The following DCAF10 variants were observed in gnomAD, a reference collection of about 807,000 sequenced individuals.
DCAF10 encodes the protein DDB1 and CUL4 associated factor 10, also known as DDB1- and CUL4-associated factor 10.
Under a neutral mutation model 51.9 loss-of-function variants are expected in DCAF10, and 19 were observed. The ratio of observed to expected loss-of-function variants is 0.37; its 90% CI spans 0.26 to 0.54. DCAF10 has a LOEUF of 0.54. DCAF10 is among the 20% of genes least tolerant of loss of function. DCAF10 has a pLI of 0.87. For missense variants in DCAF10, 510 were observed against 730.6 expected, an observed-to-expected ratio of 0.70 and a Z score of 3.48; for synonymous variants, 291 against 297.1, an observed-to-expected ratio of 0.98 and a Z score of 0.21.
At chr9:37,823,812 T>C (rs1329047620) in intron 2 of DCAF10, among the ~76,000 whole-genome samples, 1 of 152,008 alleles carries the variant, frequency 6.6e-6, no homozygotes, top group Non-Finnish European at 1.5e-5. Context: ...TATTGAGATA[T>C]TTTACTTTCA....
intron 2 of DCAF10, among the ~76,000 whole-genome samples, chr9:37,835,083 G>A (rs1295963772): frequency 8.5e-5 from 13 of 152,298 alleles, no homozygotes; most frequent in Admixed American, 7.8e-4. Flanking sequence ...ACTGTGCTCA[G>A]TCTCAGTCAC....
chr9:37,837,496 C>G (rs1248650281), intron 2 of DCAF10, among the ~76,000 whole-genome samples: 2 of 150,732 alleles, frequency 1.3e-5, no homozygotes, highest in Non-Finnish European at 3.0e-5. Flanking sequence ...TTGTGCAAAG[C>G]ATAGGTAAAT....
intron 1 of DCAF10, among the ~76,000 whole-genome samples, chr9:37,813,183 C>T (rs1453040779): frequency 6.6e-6 from 1 of 152,192 alleles, no homozygotes; most frequent in African/African-American, 2.4e-5. Flanking sequence ...TCACGGCAAC[C>T]TCCAACTCCT....
intron 2 of DCAF10, among the ~76,000 whole-genome samples, chr9:37,824,993 G>C (rs1337802920): frequency 1.3e-5 from 2 of 152,110 alleles, no homozygotes; most frequent in African/African-American, 2.4e-5. Flanking sequence ...TTTAATACAG[G>C]TGTGTCCAAA....
In DCAF10 at chr9:37,861,640, CA is replaced by C; in HGVS notation, c.*133del. On this transcript the variant is annotated 3_prime_UTR_variant, in exon 7 of 7. Coordinates refer to ENST00000377724, the MANE Select transcript of DCAF10 (RefSeq NM_024345.5). The surrounding 1 kb of genome is among the most constrained non-coding windows in gnomAD (Gnocchi z 4.9). ...ATCCTGGTTCTTATGGGTCCATGAA[CA>C]CACTTGTGACCTTAGTACTTGGTCA... 1.5e-6 allele frequency: 2 copies of C among 1,311,152 alleles called. No individual in the cohort carries two copies. Among genetic ancestry groups the C allele is most frequent in the Admixed American group, 5.1e-5 (2 of 39,132 alleles). 81.2% of individuals were successfully genotyped at this position (1,311,152 alleles called of 1,614,324 possible).
In DCAF10 at chr9:37,861,917, A is replaced by AG. The variant is rs1181675394; in HGVS notation, c.*410dup. On this transcript the variant is annotated 3_prime_UTR_variant, in exon 7 of 7. Coordinates refer to ENST00000377724, the MANE Select transcript of DCAF10 (RefSeq NM_024345.5). The surrounding 1 kb of genome is among the most constrained non-coding windows in gnomAD (Gnocchi z 4.9). Reference sequence around the variant, plus strand: ...TGGCAGGAGTTTTGACTGGGGTAGGAGAAACCCATGACATTAGAATTGAAT... The same window carrying AG: ...TGGCAGGAGTTTTGACTGGGGTAGGAGGAAACCCATGACATTAGAATTGAAT... 1 of 172,708 alleles carries AG rather than the reference A, an allele frequency of 5.8e-6. No individual in the cohort carries two copies. Among genetic ancestry groups the AG allele is most frequent in the Non-Finnish European group, 1.3e-5 (1 of 78,684 alleles). The allele number at this position is 172,708 out of a possible 1,614,324, so 10.7% of individuals were successfully genotyped here.
chr9:37,818,584 CA>C (rs1207500648), intron 1 of DCAF10, among the ~76,000 whole-genome samples: 2 of 152,052 alleles, frequency 1.3e-5, no homozygotes, highest in African/African-American at 4.8e-5. Context: ...AGGCCTGAAA[CA>C]AGAGACAAAC....
rs569185631 is a variant in DCAF10, at chr9:37,861,662, G to T, written c.*154G>T. 1.1e-3 allele frequency: 1,160 copies of T among 1,084,276 alleles called. 2 individuals are homozygous for T. Among genetic ancestry groups the T allele is most frequent in the Admixed American group, 1.6e-3 (58 of 35,532 alleles). 67.2% of individuals were successfully genotyped at this position (1,084,276 alleles called of 1,614,324 possible). ...GAACACACTTGTGACCTTAGTACTT[G>T]GTCATCCAGCATCATACAGGCATCT... On this transcript the variant is annotated 3_prime_UTR_variant, in exon 7 of 7. Transcript: ENST00000377724. The surrounding 1 kb of genome is among the most constrained non-coding windows in gnomAD (Gnocchi z 4.9).
At chr9:37,837,845 CAA>C (rs111802269) in intron 2 of DCAF10, among the ~76,000 whole-genome samples, 23 of 133,534 alleles carry the variant, frequency 1.7e-4, no homozygotes, top group East Asian at 2.2e-4. Flanking sequence ...GCTTGTGTGT[CAA>C]AAAAAAAAAA....
At chr9:37,820,241 G>T (rs909553541) in intron 2 of DCAF10, among the ~76,000 whole-genome samples, 4 of 152,104 alleles carry the variant, frequency 2.6e-5, no homozygotes, top group African/African-American at 9.7e-5. Flanking sequence ...AGTACAAAAA[G>T]TATAGCCAGG....
At chr9:37,803,423 T>C (rs185516511) in intron 1 of DCAF10, among the ~76,000 whole-genome samples, 11 of 152,250 alleles carry the variant, frequency 7.2e-5, no homozygotes, top group African/African-American at 2.6e-4. Context: ...TTTATATTTA[T>C]ATCTTTAGGA....
chr9:37,849,478 T>C (rs904388915), intron 3 of DCAF10, among the ~76,000 whole-genome samples: 4 of 152,204 alleles, frequency 2.6e-5, no homozygotes, highest in Non-Finnish European at 4.4e-5. Context: ...TCAGGCACCG[T>C]GGCTCATGCC....
At position 37,805,007 on chromosome 9, in the gene DCAF10, A is replaced by G. The variant is rs79060187; in HGVS notation, c.539+3602A>G. Among the ~76,000 whole-genome samples, 806 of 152,328 alleles carry G rather than the reference A, an allele frequency of 5.3e-3. 5 individuals carry two copies. Among genetic ancestry groups the G allele is most frequent in the African/African-American group, 0.018 (767 of 41,564 alleles). ...AGGAAAGCTGAGTAAGTTTGCCAGC[A>G]GACCTCCAATAAAGGAATTCTAAGT... On this transcript the variant is annotated intron_variant, in intron 1 of 6. Transcript: ENST00000377724.
At chr9:37,803,601 T>C (rs1829022647) in intron 1 of DCAF10, among the ~76,000 whole-genome samples, 1 of 150,928 alleles carries the variant, frequency 6.6e-6, no homozygotes, top group Admixed American at 6.6e-5. Flanking sequence ...TTCTTTTTCA[T>C]GTTTATCAGG....
In DCAF10 at chr9:37,800,982, A is replaced by G; in HGVS notation, c.116A>G (p.His39Arg). 6.6e-7 allele frequency: 1 copy of G among 1,524,472 alleles called. No individual in the cohort carries two copies. Among genetic ancestry groups the G allele is most frequent in the Non-Finnish European group, 8.7e-7 (1 of 1,145,034 alleles). 94.4% of individuals were successfully genotyped at this position (1,524,472 alleles called of 1,614,324 possible). A position where few individuals can be genotyped will look rare whatever the true frequency, so the allele number is the denominator to read the frequency against. ...AAATGPPSPL[H>R]PGADATHPPP... ...GCCACCGGGCCGCCCTCGCCACTAC[A>G]TCCCGGGGCTGATGCGACCCATCCC... Residue 39 changes from histidine (H) to arginine (R), a missense_variant, in exon 1 of 7, where the codon CAT (histidine) becomes CGT (arginine). By Grantham distance (29) the His-to-Arg change is conservative (BLOSUM62 0). This residue lies in a region of DCAF10 where 251 missense variants were observed against 227.9 expected (regional missense o/e 1.10). Transcript: ENST00000377724.
rs183437235 is a variant in DCAF10, at chr9:37,835,533, G to A, written c.654-6556G>A. Among the ~76,000 whole-genome samples, 1,103 of 151,978 alleles carry A rather than the reference G, an allele frequency of 7.3e-3. 11 individuals carry two copies. The highest frequency in any genetic ancestry group is 0.025 in the African/African-American group (1,049 of 41,436). On this transcript the variant is annotated intron_variant, in intron 2 of 6. Coordinates refer to ENST00000377724, the MANE Select transcript of DCAF10 (RefSeq NM_024345.5). Reference sequence around the variant, plus strand: ...GGTGGAGTTGCAGTGAGCCGAGATCGCGCCACTGCACTCCAGCCTGGGAGA... The same window carrying A: ...GGTGGAGTTGCAGTGAGCCGAGATCACGCCACTGCACTCCAGCCTGGGAGA...
chr9:37,806,787 A>G (rs918243215), intron 1 of DCAF10, among the ~76,000 whole-genome samples: 13 of 152,148 alleles, frequency 8.5e-5, no homozygotes, highest in African/African-American at 2.7e-4. Context: ...CCAACACCCA[A>G]TGAATACCTG....
At chr9:37,854,292 T>C (rs1360478999) in intron 3 of DCAF10, among the ~76,000 whole-genome samples, 1 of 152,092 alleles carries the variant, frequency 6.6e-6, no homozygotes, top group Admixed American at 6.6e-5. Context: ...TAAATTTTTG[T>C]AGAGATGGGG....
rs1828951101 is a variant in DCAF10 at position 37,801,632 on chromosome 9, A to G, written c.539+227A>G. Among the ~76,000 whole-genome samples the G allele has an allele frequency of 6.6e-6, 1 of 152,162 alleles. No homozygotes were observed. Among genetic ancestry groups the G allele is most frequent in the Non-Finnish European group, 1.5e-5 (1 of 68,016 alleles). On this transcript the variant is annotated intron_variant, in intron 1 of 6. Coordinates refer to ENST00000377724, the MANE Select transcript of DCAF10 (RefSeq NM_024345.5). This position sits in a 1 kb window ranked among gnomAD's most constrained non-coding sequence, Gnocchi z 5.5. ...GGGGCCCCACTTGCTCGCCTTCAGG[A>G]CTTGGGCTCTGTGAAGGAGAAATGC...
Sources: gnomAD v4.1 joint callset for allele counts (sites outside exome capture counted in the v4.1 genomes callset) on GRCh38, gnomAD v4.1.1 for gene constraint, gnomAD v4.1.1 regional missense constraint, Gnocchi (gnomAD v3.1) non-coding constraint, MANE v1.5 for transcripts, NCBI Gene and HGNC (gene_info 2026-07-23, HGNC 2026-07-21) for gene names.